CCDC178: variants seen among roughly 807,000 people sequenced by gnomAD.
CCDC178 encodes coiled-coil domain-containing protein 178.
A neutral mutation model predicts 117.4 loss-of-function variants in CCDC178; 126 were observed. That is an observed-to-expected ratio of 1.07 (90% CI 0.93 to 1.24). The LOEUF (loss-of-function observed/expected upper bound fraction) is 1.24, where lower values mean the gene tolerates loss of function less well. CCDC178 is among the 50% of genes most tolerant of loss of function. CCDC178 has a pLI of 0.00. For missense variants in CCDC178, 1,030 were observed against 986.9 expected, an observed-to-expected ratio of 1.04 and a Z score of -0.59; for synonymous variants, 283 against 313.4, an observed-to-expected ratio of 0.90 and a Z score of 1.02.
intron 14 of CCDC178, among the ~76,000 whole-genome samples, chr18:33,247,201 T>A (rs2059561548): frequency 6.6e-6 from 1 of 151,724 alleles, no homozygotes; most frequent in African/African-American, 2.4e-5. Context: ...TATTAAGAAA[T>A]ATCTTGTTTC....
In CCDC178 at chr18:33,313,121, G is replaced by A. The variant is rs76953922; in HGVS notation, c.1022+10370C>T. Among the ~76,000 whole-genome samples the A allele has an allele frequency of 5.8e-3, 881 of 152,304 alleles. 7 individuals are homozygous for A. Among genetic ancestry groups the A allele is most frequent in the African/African-American group, 0.019 (788 of 41,558 alleles). ...CTCTAGCCCATGCATTAGAGTTGGA[G>A]GAAGGGAAGGTCCTCAATGAATACA... On this transcript the variant is annotated intron_variant, in intron 11 of 22. Transcript: ENST00000383096.
intron 21 of CCDC178, among the ~76,000 whole-genome samples, chr18:33,072,745 C>A (rs1373016303): frequency 6.6e-6 from 1 of 152,054 alleles, no homozygotes; most frequent in Non-Finnish European, 1.5e-5. Context: ...TTAAATTGTT[C>A]TGCAGGTTTC....
chr18:33,091,324 CTTTTTTTTTTTTTTTTTTT>C (rs746505005), intron 21 of CCDC178, among the ~76,000 whole-genome samples: 1 of 43,882 alleles, frequency 2.3e-5, no homozygotes, highest in African/African-American at 8.0e-5. Context: ...TTATTTCATT[CTTTTTTTTTTTTTTTTTTT>C]TTTTTTTTTT....
chr18:33,414,530 A>T (rs1016592430), intron 2 of CCDC178, among the ~76,000 whole-genome samples: 3 of 152,164 alleles, frequency 2.0e-5, no homozygotes, highest in African/African-American at 4.8e-5. Flanking sequence ...CCTTCCTTAC[A>T]CCTTATACAA....
rs7234981 is a variant in CCDC178 at position 33,307,887 on chromosome 18, T to C, written c.1023-14575A>G. ...GGGTGCATGGATTGAAGAACTGAGG[T>C]TTGGGAACCTTTGTCTAGATTTCAG... On this transcript the variant is annotated intron_variant, in intron 11 of 22. Transcript: ENST00000383096. Among the ~76,000 whole-genome samples the C allele has an allele frequency of 8.8e-3, 1,335 of 152,234 alleles. 20 individuals are homozygous for C. The highest frequency in any genetic ancestry group is 0.03 in the African/African-American group (1,244 of 41,530).
At chr18:33,367,629 A>G (rs2063230811) in intron 6 of CCDC178, among the ~76,000 whole-genome samples, 1 of 151,936 alleles carries the variant, frequency 6.6e-6, no homozygotes, top group Non-Finnish European at 1.5e-5. Flanking sequence ...ATCTTTCAAA[A>G]GGATAGCTGA....
chr18:33,359,661 T>C (rs976804859), intron 6 of CCDC178, among the ~76,000 whole-genome samples: 5 of 151,672 alleles, frequency 3.3e-5, no homozygotes, highest in Non-Finnish European at 4.4e-5. Context: ...TTGTGTTATG[T>C]AGATGCTTCG....
intron 9 of CCDC178, among the ~76,000 whole-genome samples, chr18:33,341,304 G>A (rs927474350): frequency 6.6e-6 from 1 of 152,192 alleles, no homozygotes; most frequent in African/African-American, 2.4e-5. Flanking sequence ...TACCTAGGAA[G>A]TAACTAGCTT....
intron 21 of CCDC178, among the ~76,000 whole-genome samples, chr18:33,021,135 G>C (rs78665846): frequency 6.6e-6 from 1 of 152,120 alleles, no homozygotes; most frequent in Non-Finnish European, 1.5e-5. Flanking sequence ...TAATTGAAGC[G>C]ACATGATAAT....
intron 22 of CCDC178, among the ~76,000 whole-genome samples, chr18:32,965,686 A>G (rs1200833085): frequency 6.6e-6 from 1 of 151,758 alleles, no homozygotes; most frequent in African/African-American, 2.4e-5. Flanking sequence ...ATAGGATTTT[A>G]AATTTTGAGG....
intron 21 of CCDC178, among the ~76,000 whole-genome samples, chr18:33,067,679 A>G (rs935773872): frequency 6.6e-6 from 1 of 152,104 alleles, no homozygotes; most frequent in Admixed American, 6.5e-5. Flanking sequence ...ACCCATCTCG[A>G]CTAAAAATAC....
At chr18:33,090,016 T>A (rs1471512415) in intron 21 of CCDC178, among the ~76,000 whole-genome samples, 1 of 152,170 alleles carries the variant, frequency 6.6e-6, no homozygotes, top group Non-Finnish European at 1.5e-5. Context: ...TTCTGATTTT[T>A]AAAGGCAAGA....
chr18:33,319,887 T>C (rs2062479295), intron 11 of CCDC178, among the ~76,000 whole-genome samples: 1 of 152,180 alleles, frequency 6.6e-6, no homozygotes, highest in African/African-American at 2.4e-5. Flanking sequence ...GATGGGGTTG[T>C]TTTTTTCTTA....
chr18:33,289,640 A>G (rs796812907), intron 12 of CCDC178, among the ~76,000 whole-genome samples: 16 of 152,158 alleles, frequency 1.1e-4, no homozygotes, highest in African/African-American at 3.6e-4. Flanking sequence ...ACAAACAACA[A>G]CAAAACTTTT....
chr18:33,235,735 G>T (rs573855016), intron 15 of CCDC178, among the ~76,000 whole-genome samples: 2 of 152,136 alleles, frequency 1.3e-5, no homozygotes, highest in Non-Finnish European at 2.9e-5. Flanking sequence ...GTGCTAGGAA[G>T]TACTTAACAA....
intron 3 of CCDC178, among the ~76,000 whole-genome samples, chr18:33,406,753 T>C (rs761962978): frequency 1.3e-5 from 2 of 152,132 alleles, no homozygotes; most frequent in Admixed American, 6.6e-5. Flanking sequence ...CTATAATCCA[T>C]ACTTTCCCAT....
intron 15 of CCDC178, among the ~76,000 whole-genome samples, chr18:33,235,086 C>T (rs956167408): frequency 5.9e-5 from 9 of 151,984 alleles, no homozygotes; most frequent in Admixed American, 2.0e-4. Flanking sequence ...AAAGGATGGG[C>T]CTATAAACCT....
intron 21 of CCDC178, among the ~76,000 whole-genome samples, chr18:33,053,675 G>A (rs1036038996): frequency 5.3e-5 from 8 of 151,708 alleles, no homozygotes; most frequent in Non-Finnish European, 1.2e-4. Context: ...TTGAAAAGTC[G>A]AAAAAAGAAA....
At chr18:33,107,581 C>T (rs2057724623) in intron 20 of CCDC178, among the ~76,000 whole-genome samples, 1 of 151,804 alleles carries the variant, frequency 6.6e-6, no homozygotes, top group African/African-American at 2.4e-5. Flanking sequence ...TATGGATTAT[C>T]TTTGTGCAAC....
Sources: allele counts gnomAD v4.1 joint callset (sites outside exome capture counted in the v4.1 genomes callset), GRCh38; gene constraint gnomAD v4.1.1; transcripts MANE v1.5; gene names NCBI Gene and HGNC (gene_info 2026-07-23, HGNC 2026-07-21).